Variants in CLTC observed in about 807,000 individuals in gnomAD.
The protein encoded by CLTC is clathrin heavy chain 1.
Under a neutral mutation model 195.8 loss-of-function variants are expected in CLTC, and 16 were observed. The ratio of observed to expected loss-of-function variants is 0.08; its 90% CI spans 0.06 to 0.12. CLTC has a LOEUF of 0.12. CLTC is among the 10% of genes least tolerant of loss of function. The probability of loss-of-function intolerance (pLI) is 1.00; values close to 1 mark genes in which losing one functional copy is unlikely to be tolerated. For synonymous variants in CLTC, 667 were observed against 689.4 expected (o/e 0.97, Z 0.51); for missense variants, 796 against 2,027.0 (o/e 0.39, Z 11.66).
At position 59,679,542 on chromosome 17, in the gene CLTC, T is replaced by C. The variant is rs757829780; in HGVS notation, c.2919+23T>C. On this transcript the variant is annotated intron_variant, in intron 18 of 31. Transcript: ENST00000269122. ...CAGGTAACATTGGCAAATGTGTTTA[T>C]GGCTGTCAGTAAAAATTATACATTT... is the stretch of plus-strand genomic sequence containing the variant. 3.2e-6 allele frequency: 5 copies of C among 1,543,142 alleles called. No individual in the cohort carries two copies. The East Asian group carries it at 7.0e-5, about 22-fold the overall frequency.
intron 1 of CLTC, among the ~76,000 whole-genome samples, chr17:59,633,456 G>A (rs1229120099): frequency 1.3e-5 from 2 of 152,000 alleles, no homozygotes; most frequent in South Asian, 2.1e-4. Context: ...TCATGCCATT[G>A]CACTCCAGCC....
rs758408902 is a variant in CLTC at position 59,694,427 on chromosome 17, A to G, written c.*575A>G. The G allele has an allele frequency of 4.5e-5, 10 of 224,586 alleles. No homozygotes were observed. The highest frequency in any genetic ancestry group is 7.1e-5 in the Non-Finnish European group (8 of 112,486). 13.9% of individuals were successfully genotyped at this position (224,586 alleles called of 1,614,324 possible). ...AGACAACTTGCCTGATTTTTAAATGAGCGTAAAAGGCCCTCTAACCTATGC... is the reference window on the plus strand; with the variant it reads ...AGACAACTTGCCTGATTTTTAAATGGGCGTAAAAGGCCCTCTAACCTATGC... On this transcript the variant is annotated 3_prime_UTR_variant, in exon 32 of 32. Coordinates refer to ENST00000269122, the MANE Select transcript of CLTC (RefSeq NM_004859.4).
intron 18 of CLTC, among the ~76,000 whole-genome samples, chr17:59,680,327 AT>A (rs2033058223): frequency 6.6e-6 from 1 of 152,138 alleles, no homozygotes; most frequent in Non-Finnish European, 1.5e-5. Context: ...TTATACCTAA[AT>A]AAAATAGACA....
intron 1 of CLTC, among the ~76,000 whole-genome samples, chr17:59,624,444 G>A (rs1471509050): frequency 2.1e-5 from 3 of 143,934 alleles, no homozygotes; most frequent in Non-Finnish European, 4.5e-5. Flanking sequence ...AAAATAATAT[G>A]AGCCACATAC....
Position 59,672,673 on chromosome 17 carries a change from C to CGA in CLTC, c.2293-974_2293-973insGA, listed in dbSNP as rs571434509. On this transcript the variant is annotated intron_variant, in intron 14 of 31. Coordinates refer to ENST00000269122, the MANE Select transcript of CLTC (RefSeq NM_004859.4). ...TGGCTATATTAAAATTAAGATTTAC[C>CGA]TTGGTGTTCTTGGGACACTTCATAG... 5.4e-3 allele frequency among the ~76,000 whole-genome samples: 819 copies of CGA among 152,064 alleles called. 5 individuals are homozygous for CGA. Among genetic ancestry groups the CGA allele is most frequent in the African/African-American group, 0.019 (776 of 41,470 alleles).
rs1179422785 is a variant in CLTC, at chr17:59,620,046, C to T, written c.-86C>T. ...TGCTGAGCCCAGCCTCCCCCCTCCCCTTCTCCTCCTCTCCCTTGGAGAGCC... is the reference window on the plus strand; with the variant it reads ...TGCTGAGCCCAGCCTCCCCCCTCCCTTTCTCCTCCTCTCCCTTGGAGAGCC... On this transcript the variant is annotated 5_prime_UTR_variant, in exon 1 of 32. Transcript: ENST00000269122. The T allele has an allele frequency of 3.0e-5, 38 of 1,283,976 alleles. 1 individual carries two copies. Among genetic ancestry groups the T allele is most frequent in the Non-Finnish European group, 4.3e-5 (38 of 891,526 alleles). 79.5% of individuals were successfully genotyped at this position (1,283,976 alleles called of 1,614,324 possible).
chr17:59,655,855 T>C lies in CLTC; in HGVS notation c.797T>C (p.Ile266Thr), dbSNP rs762005893. The change falls in exon 6 of 32, where the codon ATC (isoleucine) becomes ACC (threonine). Residue 266 changes from isoleucine (I) to threonine (T), a missense_variant and splice_region_variant. By Grantham distance (89) the Ile-to-Thr change is moderately conservative. This residue lies in a region of CLTC where 293 missense variants were observed against 795.6 expected (regional missense o/e 0.37). Transcript: ENST00000269122. Reference sequence around the variant, plus strand: ...AAAGTGTTGATTTTCTTTCTGTAGATCAGTGAAAAGCATGATGTGGTGTTC... The same window carrying C: ...AAAGTGTTGATTTTCTTTCTGTAGACCAGTGAAAAGCATGATGTGGTGTTC... Reference protein sequence around the residue: ...AQNDFPVAMQISEKHDVVFLI... With the variant: ...AQNDFPVAMQTSEKHDVVFLI... 6.4e-7 allele frequency: 1 copy of C among 1,552,866 alleles called. No homozygotes were observed.
intron 30 of CLTC, among the ~76,000 whole-genome samples, chr17:59,686,160 G>A (rs1270789779): frequency 2.6e-5 from 4 of 151,590 alleles, no homozygotes; most frequent in Non-Finnish European, 5.9e-5. Context: ...CTTTTATTTG[G>A]TTGGTTCCTG....
intron 1 of CLTC, among the ~76,000 whole-genome samples, chr17:59,621,597 A>G (rs1306475070): frequency 6.6e-6 from 1 of 152,266 alleles, no homozygotes; most frequent in African/African-American, 2.4e-5. Flanking sequence ...AAGGCTTGAA[A>G]TGTAAAGAAT....
intron 30 of CLTC, among the ~76,000 whole-genome samples, chr17:59,687,757 C>T (rs907684618): frequency 1.3e-5 from 2 of 152,146 alleles, no homozygotes; most frequent in African/African-American, 2.4e-5. Context: ...TGTAATAAGG[C>T]ATACCTCTGA....
chr17:59,659,342 T>TA (rs1271704719), intron 6 of CLTC, among the ~76,000 whole-genome samples: 7 of 152,044 alleles, frequency 4.6e-5, no homozygotes, highest in African/African-American at 1.7e-4. Flanking sequence ...AGCCAGAAAA[T>TA]ATTCTGTGGC....
intron 6 of CLTC, among the ~76,000 whole-genome samples, chr17:59,659,119 T>C (rs2143537092): frequency 6.6e-6 from 1 of 152,320 alleles, no homozygotes; most frequent in Middle Eastern, 3.4e-3. Flanking sequence ...TTGCTAGTAA[T>C]ACAGTTAAAC....
Position 59,666,207 on chromosome 17 carries a change from G to T in CLTC, c.1749G>T (p.Arg583=), listed in dbSNP as rs1229150182. 1.2e-6 allele frequency: 2 copies of T among 1,613,944 alleles called. No individual in the cohort carries two copies. Among genetic ancestry groups the T allele is most frequent in the Non-Finnish European group, 1.7e-6 (2 of 1,179,960 alleles). The change falls in exon 11 of 32, where the codon CGG becomes CGT. Residue 583 remains arginine, a synonymous_variant. Coordinates refer to ENST00000269122, the MANE Select transcript of CLTC (RefSeq NM_004859.4). The surrounding 1 kb of genome is among the most constrained non-coding windows in gnomAD (Gnocchi z 4.9). ...NRPSEGPLQT[R]LLEMNLMHAP... Reference sequence around the variant, plus strand: ...CATCTGAAGGTCCTTTACAGACGCGGTTACTTGAGATGAACCTTATGCATG... The same window carrying T: ...CATCTGAAGGTCCTTTACAGACGCGTTTACTTGAGATGAACCTTATGCATG...
At chr17:59,636,762 T>C (rs1444530872) in intron 1 of CLTC, among the ~76,000 whole-genome samples, 4 of 151,936 alleles carry the variant, frequency 2.6e-5, no homozygotes, top group Admixed American at 6.6e-5. Flanking sequence ...TAAGGACATT[T>C]TCTTTCTTTT....
chr17:59,637,514 G>A (rs2031901466), intron 1 of CLTC, among the ~76,000 whole-genome samples: 1 of 142,692 alleles, frequency 7.0e-6, no homozygotes, highest in Non-Finnish European at 1.5e-5. Flanking sequence ...AAAGTGCTGG[G>A]ATTACAGGCA....
At chr17:59,643,132 GGTGT>G (rs59380117) in intron 1 of CLTC, among the ~76,000 whole-genome samples, 128 of 142,314 alleles carry the variant, frequency 9.0e-4, no homozygotes, top group Admixed American at 1.8e-3. Context: ...TCTTTTCTGG[GGTGT>G]GTGTGTGTGT....
chr17:59,677,614 A>G (rs2032995102), intron 17 of CLTC, among the ~76,000 whole-genome samples: 2 of 152,190 alleles, frequency 1.3e-5, no homozygotes, highest in South Asian at 4.1e-4. Context: ...TTTGACATTG[A>G]TAGGATACCT....
intron 13 of CLTC, 54 bp from the exon 14 acceptor site, chr17:59,668,719 TTTTC>T: frequency 7.0e-7 from 1 of 1,424,554 alleles, no homozygotes; most frequent in Admixed American, 2.4e-5. Flanking sequence ...ACATAAATGT[TTTTC>T]AGTCATTCTC....
In CLTC at chr17:59,683,909, G is replaced by A. The variant is rs748731820; in HGVS notation, c.4358G>A (p.Arg1453His). The change falls in exon 28 of 32, where the codon CGT becomes CAT. Residue 1453 changes from arginine to histidine, a missense_variant. By Grantham distance (29) the Arg-to-His change is conservative. This residue lies in a region of CLTC where 148 missense variants were observed against 279.5 expected (regional missense o/e 0.53). Coordinates refer to ENST00000269122, the MANE Select transcript of CLTC (RefSeq NM_004859.4). The surrounding 1 kb of genome is among the most constrained non-coding windows in gnomAD (Gnocchi z 6.1). ...KQLPLVKPYLRSVQNHNNKSV... is the reference protein window; with the variant it reads ...KQLPLVKPYLHSVQNHNNKSV... ...CTACCACTGGTGAAACCGTATTTGC[G>A]TTCAGTTCAGAACCATAACAACAAA... The A allele has an allele frequency of 1.2e-6, 2 of 1,613,670 alleles. No individual in the cohort carries two copies. The highest frequency in any genetic ancestry group is 1.7e-6 in the Non-Finnish European group (2 of 1,179,700).
Sources: gnomAD v4.1 joint callset for allele counts (sites outside exome capture counted in the v4.1 genomes callset) on GRCh38, gnomAD v4.1.1 for gene constraint, gnomAD v4.1.1 regional missense constraint, Gnocchi (gnomAD v3.1) non-coding constraint, MANE v1.5 for transcripts, NCBI Gene and HGNC (gene_info 2026-07-23, HGNC 2026-07-21) for gene names.